TGM4: variants seen among roughly 807,000 people sequenced by gnomAD.
TGM4 encodes the protein transglutaminase 4.
TGM4 carries 61 observed loss-of-function variants against 76.3 expected under a neutral mutation model. That is an observed-to-expected ratio of 0.80 (90% CI 0.65 to 0.99). The LOEUF (loss-of-function observed/expected upper bound fraction) is 0.99, where lower values mean the gene tolerates loss of function less well. TGM4 is among the 50% of genes least tolerant of loss of function. The probability of loss-of-function intolerance (pLI) is 0.00; values close to 1 mark genes in which losing one functional copy is unlikely to be tolerated. For missense variants in TGM4, 794 were observed against 843.2 expected (o/e 0.94, Z 0.72); for synonymous variants, 337 against 329.8 (o/e 1.02, Z -0.24).
intron 9 of TGM4, among the ~76,000 whole-genome samples, chr3:44,905,405 C>G (rs1009835094): frequency 6.6e-6 from 1 of 152,164 alleles, no homozygotes; most frequent in Non-Finnish European, 1.5e-5. Flanking sequence ...CAGCCGGCCC[C>G]TCCCTGACAT....
At chr3:44,876,616 T>C (rs1699454838) in intron 1 of TGM4, 1 of 152,046 alleles carries the variant, frequency 6.6e-6, no homozygotes, top group African/African-American at 2.4e-5. Flanking sequence ...CCCAGAAAGG[T>C]CGAAGACGAA....
chr3:44,892,485 C>T (rs1699716090), intron 4 of TGM4, among the ~76,000 whole-genome samples: 1 of 150,856 alleles, frequency 6.6e-6, no homozygotes, highest in Non-Finnish European at 1.5e-5. Context: ...ATTCTTCTGC[C>T]TCAGCCTCCC....
intron 1 of TGM4, among the ~76,000 whole-genome samples, chr3:44,879,093 T>C (rs1699491581): frequency 6.6e-6 from 1 of 151,936 alleles, no homozygotes; most frequent in Non-Finnish European, 1.5e-5. Flanking sequence ...GTGAGTTTTT[T>C]TCATTTTGAG....
rs1259017545 is a variant in TGM4 at position 44,896,721 on chromosome 3, G to A, written c.562G>A (p.Val188Ile). ...TTTCCCAAAATAGTTTGAGAAAAAT[G>A]TCCTGGACTGCTGCATTTCCCTGCT... ...PWNFGQFEKN[V>I]LDCCISLLTE... is the part of the protein sequence containing the mutation. Residue 188 changes from valine (V) to isoleucine (I), a missense_variant, in exon 6 of 14, where the codon GTC becomes ATC. Physicochemically the swap from Val to Ile is conservative, Grantham distance 29. Transcript: ENST00000296125. The A allele has an allele frequency of 2.5e-6, 4 of 1,614,114 alleles. No individual in the cohort carries two copies. The highest frequency in any genetic ancestry group is 1.7e-5 in the Admixed American group (1 of 60,030).
intron 13 of TGM4, among the ~76,000 whole-genome samples, chr3:44,912,952 GT>G (rs1700024216): frequency 1.3e-5 from 2 of 152,214 alleles, no homozygotes; most frequent in African/African-American, 4.8e-5. Context: ...GAACTCTAAT[GT>G]TTTGTTTCTG....
chr3:44,893,706 G>A lies in TGM4; in HGVS notation c.549+11G>A. ...TGGAACTTTGGTCAGGTAATGATTT[G>A]TCGTCTTGTGGCTGCACCAGGCCCC... On this transcript the variant is annotated intron_variant, in intron 5 of 13. Coordinates refer to ENST00000296125, the MANE Select transcript of TGM4 (RefSeq NM_003241.4). 6.2e-7 allele frequency: 1 copy of A among 1,611,384 alleles called. No individual in the cohort carries two copies. The highest frequency in any genetic ancestry group is 1.3e-5 in the African/African-American group (1 of 74,938).
At chr3:44,879,247 C>A (rs1282197509) in intron 1 of TGM4, among the ~76,000 whole-genome samples, 2 of 90,754 alleles carry the variant, frequency 2.2e-5, no homozygotes, top group South Asian at 8.4e-4. Context: ...GTCTCTCTCT[C>A]TCTCTCTCTC....
chr3:44,904,886 T>A (rs899248307), intron 9 of TGM4, among the ~76,000 whole-genome samples: 1 of 151,946 alleles, frequency 6.6e-6, no homozygotes, highest in African/African-American at 2.4e-5. Flanking sequence ...TTTGCCATAT[T>A]GGTCAGGCTG....
At chr3:44,909,314 T>C (rs767314116) in intron 10 of TGM4, among the ~76,000 whole-genome samples, 2 of 152,230 alleles carry the variant, frequency 1.3e-5, no homozygotes, top group African/African-American at 2.4e-5. Flanking sequence ...TCTGAGCTTT[T>C]CAAAGCCCCC....
At chr3:44,883,583 A>G (rs985390111) in intron 1 of TGM4, among the ~76,000 whole-genome samples, 2 of 152,206 alleles carry the variant, frequency 1.3e-5, no homozygotes, top group African/African-American at 2.4e-5. Context: ...GCCCACCCCA[A>G]GGTTTCAGCC....
rs750230910 is a variant in TGM4, at chr3:44,901,879, T to G, written c.919T>G (p.Tyr307Asp). Residue 307 changes from tyrosine (Y) to aspartate (D), a missense_variant, in exon 8 of 14, where the codon TAT (tyrosine) becomes GAT (aspartate). Coordinates refer to ENST00000296125, the MANE Select transcript of TGM4 (RefSeq NM_003241.4). ...AGAAAGGAACCTCACGGTGGACACC[T>G]ATGTGAATGAGAATGGCGAGAAAAT... ...DTERNLTVDT[Y>D]VNENGEKITS... The G allele has an allele frequency of 3.1e-6, 5 of 1,614,092 alleles. No individual in the cohort carries two copies. The East Asian group carries it at 8.9e-5, about 29-fold the overall frequency.
Position 44,893,681 on chromosome 3 carries a change from T to C in TGM4, c.535T>C (p.Trp179Arg). The C allele has an allele frequency of 6.2e-7, 1 of 1,613,786 alleles. No homozygotes were observed. Among genetic ancestry groups the C allele is most frequent in the Non-Finnish European group, 8.5e-7 (1 of 1,179,794 alleles). The part of the protein sequence containing the change: ...GAARSIKCKP[W>R]NFGQFEKNVL... ...TGCCAGAAGTATCAAATGCAAACCC[T>C]GGAACTTTGGTCAGGTAATGATTTG... The change falls in exon 5 of 14, where the codon TGG becomes CGG. Residue 179 changes from tryptophan to arginine, a missense_variant. By Grantham distance (101) the Trp-to-Arg change is moderately radical. Coordinates refer to ENST00000296125, the MANE Select transcript of TGM4 (RefSeq NM_003241.4).
intron 10 of TGM4, 110 bp downstream of exon 10, chr3:44,907,310 CAAAAAAAAAAA>C (rs3082589): frequency 4.5e-6 from 3 of 660,418 alleles, no homozygotes; most frequent in African/African-American, 4.5e-5. Flanking sequence ...CCATCCCTAC[CAAAAAAAAAAA>C]AAAAAAAAAA....
intron 11 of TGM4, 33 bp from the exon 12 acceptor site, chr3:44,910,925 T>TGACC: frequency 6.2e-7 from 1 of 1,605,984 alleles, no homozygotes; most frequent in Non-Finnish European, 8.5e-7. Flanking sequence ...GTATGATGAA[T>TGACC]GACCTCTCCC....
chr3:44,908,863 C>T (rs367815823), intron 10 of TGM4, among the ~76,000 whole-genome samples: 88 of 152,200 alleles, frequency 5.8e-4, no homozygotes, highest in African/African-American at 2.1e-3. Flanking sequence ...ACCCCCACAC[C>T]ACCATGTATG....
intron 9 of TGM4, 59 bp from the exon 10 acceptor site, chr3:44,906,890 T>G: frequency 6.3e-7 from 1 of 1,595,600 alleles, no homozygotes; most frequent in Non-Finnish European, 8.6e-7. Flanking sequence ...TGCCACTGGG[T>G]CCAGGCTGGG....
intron 5 of TGM4, among the ~76,000 whole-genome samples, chr3:44,894,210 A>G (rs1218243165): frequency 2.4e-3 from 1 of 420 alleles, no homozygotes; most frequent in African/African-American, 0.011. Context: ...GCTCTCTCCC[A>G]CCCCCCATGG....
In TGM4 at chr3:44,901,592, C is replaced by T. The variant is rs750079879; in HGVS notation, c.726C>T (p.Ala242=). The T allele has an allele frequency of 3.7e-6, 6 of 1,614,084 alleles. No individual in the cohort carries two copies. Residue 242 remains alanine, a synonymous_variant, in exon 7 of 14, where the codon GCC becomes GCT. Transcript: ENST00000296125. ...CTGGGGACTACGAAGGTGGCACAGC[C>T]CCATACAAGTGGACAGGCAGTGCCC... is the stretch of plus-strand genomic sequence containing the variant. The part of the protein sequence containing the change: ...NWTGDYEGGT[A]PYKWTGSAPI...
chr3:44,904,136 T>C, intron 9 of TGM4, 149 bp downstream of exon 9: 1 of 653,676 alleles, frequency 1.5e-6, no homozygotes, highest in Non-Finnish European at 2.7e-6. Flanking sequence ...TCCTTCCTGC[T>C]ATTCCCACTG....
Sources: gnomAD v4.1 joint callset for allele counts (sites outside exome capture counted in the v4.1 genomes callset) on GRCh38, gnomAD v4.1.1 for gene constraint, MANE v1.5 for transcripts, NCBI Gene and HGNC (gene_info 2026-07-23, HGNC 2026-07-21) for gene names.